The following GTF3C3 variants were observed in gnomAD, a reference collection of about 807,000 sequenced individuals.
GTF3C3 encodes the protein general transcription factor IIIC subunit 3.
A neutral mutation model predicts 105.2 loss-of-function variants in GTF3C3; 75 were observed. The ratio of observed to expected loss-of-function variants is 0.71; its 90% CI spans 0.59 to 0.86. The LOEUF (loss-of-function observed/expected upper bound fraction) is 0.86. GTF3C3 is among the 40% of genes least tolerant of loss of function. GTF3C3 has a pLI of 0.00. For missense variants in GTF3C3, 856 were observed against 1,076.5 expected, an observed-to-expected ratio of 0.80 and a Z score of 2.87; for synonymous variants, 335 against 370.4, an observed-to-expected ratio of 0.90 and a Z score of 1.10.
intron 16 of GTF3C3, among the ~76,000 whole-genome samples, chr2:196,768,513 T>TA (rs922635878): frequency 1.3e-5 from 2 of 151,878 alleles, no homozygotes; most frequent in African/African-American, 4.8e-5. Flanking sequence ...TAATAAACCA[T>TA]AAAAAAAATT....
chr2:196,797,187 T>C (rs1699661475), intron 2 of GTF3C3, among the ~76,000 whole-genome samples: 1 of 152,230 alleles, frequency 6.6e-6, no homozygotes, highest in Non-Finnish European at 1.5e-5. Context: ...AGCATTCTGA[T>C]CCCTGGAAAA....
chr2:196,785,598 A>G lies in GTF3C3; in HGVS notation c.894-10T>C. The G allele has an allele frequency of 6.3e-7, 1 of 1,577,622 alleles. No homozygotes were observed. The highest frequency in any genetic ancestry group is 1.1e-5 in the South Asian group (1 of 88,216). On this transcript the variant is annotated splice_polypyrimidine_tract_variant and intron_variant, in intron 6 of 17. Transcript: ENST00000263956. ...GGCTTCATAGTAACTCCTAAAAAAA[A>G]GTGGCAAAATGGATGAATATTTACT...
At chr2:196,781,342 G>GAAAAAAAAAAAAA (rs769914255) in intron 8 of GTF3C3, among the ~76,000 whole-genome samples, 2 of 31,456 alleles carry the variant, frequency 6.4e-5, no homozygotes, top group African/African-American at 1.2e-4. Flanking sequence ...ATGTTAAGGG[G>GAAAAAAAAAAAAA]AAAAAAAAAA....
chr2:196,791,539 A>G, intron 3 of GTF3C3, 79 bp from the exon 4 acceptor site: 2 of 1,271,824 alleles, frequency 1.6e-6, no homozygotes, highest in Non-Finnish European at 2.2e-6. Flanking sequence ...TAATAAATAT[A>G]GCATATAATG....
Position 196,797,815 on chromosome 2 carries a change from C to A in GTF3C3, c.196G>T (p.Asp66Tyr). 1 of 1,591,268 alleles carries A rather than the reference C, an allele frequency of 6.3e-7. No homozygotes were observed. The highest frequency in any genetic ancestry group is 8.6e-7 in the Non-Finnish European group (1 of 1,159,252). Residue 66 changes from aspartate (D) to tyrosine (Y), a missense_variant, in exon 2 of 18, where the codon GAC becomes TAC. Physicochemically the swap from Asp to Tyr is radical, Grantham distance 160. Coordinates refer to ENST00000263956, the MANE Select transcript of GTF3C3 (RefSeq NM_012086.5). Reference protein sequence around the residue: ...SSGINSTKSQDKDVNEGETSD... With the variant: ...SSGINSTKSQYKDVNEGETSD... The stretch of plus-strand genomic sequence containing the variant: ...AACATACCTTCATTGACATCTTTGT[C>A]TTGGGATTTGGTAGAGTTAATTCCT...
At position 196,781,357 on chromosome 2, in the gene GTF3C3, A is replaced by AATAT. The variant is rs1553578901; in HGVS notation, c.1115-699_1115-696dup. Reference sequence around the variant, plus strand: ...ATGTTAAGGGGAAAAAAAAAAAAAAAATATATATATATATATATATATATA... The same window carrying AATAT: ...ATGTTAAGGGGAAAAAAAAAAAAAAAATATATATATATATATATATATATATATA... On this transcript the variant is annotated intron_variant, in intron 8 of 17. Transcript: ENST00000263956. Among the ~76,000 whole-genome samples, 71 of 18,776 alleles carry AATAT rather than the reference A, an allele frequency of 3.8e-3. 2 individuals carry two copies. The highest frequency in any genetic ancestry group is 4.8e-3 in the African/African-American group (46 of 9,644). 12.3% of individuals were successfully genotyped at this position (18,776 alleles called of 152,430 possible). A position where few individuals can be genotyped will look rare whatever the true frequency, so the allele number is the denominator to read the frequency against.
intron 16 of GTF3C3, among the ~76,000 whole-genome samples, chr2:196,768,163 A>ATG (rs1699105496): frequency 6.6e-6 from 1 of 152,074 alleles, no homozygotes; most frequent in Non-Finnish European, 1.5e-5. Context: ...GATTACAGGC[A>ATG]CACGCCACCA....
At position 196,763,247 on chromosome 2, in the gene GTF3C3, T is replaced by TC. The variant is rs986062445; in HGVS notation, c.*1315dup. The TC allele has an allele frequency of 1.3e-5, 2 of 152,162 alleles. No individual in the cohort carries two copies. Among genetic ancestry groups the TC allele is most frequent in the Non-Finnish European group, 2.9e-5 (2 of 68,032 alleles). 9.4% of individuals were successfully genotyped at this position (152,162 alleles called of 1,614,324 possible). On this transcript the variant is annotated 3_prime_UTR_variant, in exon 18 of 18. Transcript: ENST00000263956. The stretch of plus-strand genomic sequence containing the variant: ...TATACAATATCAGCTGGTTTTTTTT[T>TC]CCCTTAGGGAGACTTATTTCCTCCA...
intron 2 of GTF3C3, among the ~76,000 whole-genome samples, chr2:196,793,663 C>G (rs1699591606): frequency 1.3e-5 from 2 of 152,088 alleles, no homozygotes; most frequent in South Asian, 4.1e-4. Context: ...TAGGGCTACT[C>G]TGAGGACAAA....
intron 10 of GTF3C3, among the ~76,000 whole-genome samples, chr2:196,777,022 C>T (rs1286996286): frequency 1.3e-5 from 2 of 152,294 alleles, no homozygotes; most frequent in African/African-American, 4.8e-5. Flanking sequence ...TAAACCAGAG[C>T]ACACAATCGG....
intron 4 of GTF3C3, 116 bp downstream of exon 4, chr2:196,791,221 C>T (rs1699542804): frequency 1.1e-6 from 1 of 894,114 alleles, no homozygotes; most frequent in Admixed American, 2.4e-5. Flanking sequence ...ACCATTACCA[C>T]AATCACCCTT....
chr2:196,775,015 T>C, intron 13 of GTF3C3, 101 bp downstream of exon 13: 1 of 777,034 alleles, frequency 1.3e-6, no homozygotes, highest in Non-Finnish European at 2.0e-6. Flanking sequence ...TCATTTTATT[T>C]GAAAAGTATA....
intron 3 of GTF3C3, 146 bp from the exon 4 acceptor site, chr2:196,791,606 G>T: frequency 1.6e-6 from 1 of 619,364 alleles, no homozygotes; most frequent in Non-Finnish European, 2.7e-6. Context: ...CTAAATAGTT[G>T]CAATTCTAAT....
At position 196,767,187 on chromosome 2, in the gene GTF3C3, C is replaced by T. The variant is rs529885958; in HGVS notation, c.2386-470G>A. Among the ~76,000 whole-genome samples the T allele has an allele frequency of 2.6e-5, 4 of 152,318 alleles. No individual in the cohort carries two copies. The South Asian group carries it at 8.3e-4, about 32-fold the overall frequency. On this transcript the variant is annotated intron_variant, in intron 16 of 17. Coordinates refer to ENST00000263956, the MANE Select transcript of GTF3C3 (RefSeq NM_012086.5). ...ATTTTACCTTTTATAAGTTACTTCT[C>T]AGGACCTTGATAACCTCTTAACCCA... is the stretch of plus-strand genomic sequence containing the variant.
At chr2:196,785,341 T>A (rs1353098965) in intron 7 of GTF3C3, 100 bp downstream of exon 7, 4 of 793,760 alleles carry the variant, frequency 5.0e-6, no homozygotes, top group African/African-American at 3.5e-5. Flanking sequence ...TTTAAATATA[T>A]ACATAATTTA....
At position 196,763,599 on chromosome 2, in the gene GTF3C3, AT is replaced by A. The variant is rs1201597873; in HGVS notation, c.*963del. On this transcript the variant is annotated 3_prime_UTR_variant, in exon 18 of 18. Transcript: ENST00000263956. ...AGAATTTCTAATAAGTCCCAATTTTATTTCTTTGATCCTAAGCCTCTACTTG... is the reference window on the plus strand; with the variant it reads ...AGAATTTCTAATAAGTCCCAATTTTATTCTTTGATCCTAAGCCTCTACTTG... 6.6e-6 allele frequency: 1 copy of A among 152,130 alleles called. No individual in the cohort carries two copies. Among genetic ancestry groups the A allele is most frequent in the Non-Finnish European group, 1.5e-5 (1 of 68,002 alleles). The allele number at this position is 152,130 out of a possible 1,614,324, so 9.4% of individuals were successfully genotyped here.
Position 196,789,068 on chromosome 2 carries a change from TA to T in GTF3C3, c.893+135del, listed in dbSNP as rs534435842. On this transcript the variant is annotated intron_variant, in intron 6 of 17. Coordinates refer to ENST00000263956, the MANE Select transcript of GTF3C3 (RefSeq NM_012086.5). ...GTGACAGAGCAAGACCCTGTCTCAA[TA>T]AACAAAACAATAAAACACATAAGGC... is the stretch of plus-strand genomic sequence containing the variant. The T allele has an allele frequency of 6.4e-5, 45 of 706,358 alleles. No homozygotes were observed. In the East Asian group the frequency reaches 1.2e-3, roughly 19 times the overall value. 43.8% of individuals were successfully genotyped at this position (706,358 alleles called of 1,614,324 possible).
intron 8 of GTF3C3, 115 bp from the exon 9 acceptor site, chr2:196,780,777 T>C: frequency 7.8e-7 from 1 of 1,277,908 alleles, no homozygotes; most frequent in South Asian, 1.6e-5. Flanking sequence ...CAATTCTTAG[T>C]GTGGCCAACT....
chr2:196,780,751 C>G lies in GTF3C3; in HGVS notation c.1115-89G>C. 3 of 1,455,752 alleles carry G rather than the reference C, an allele frequency of 2.1e-6. No individual in the cohort carries two copies. In the South Asian group the frequency reaches 4.4e-5, roughly 21 times the overall value. 90.2% of individuals were successfully genotyped at this position (1,455,752 alleles called of 1,614,324 possible). On this transcript the variant is annotated intron_variant, in intron 8 of 17. Transcript: ENST00000263956. Reference sequence around the variant, plus strand: ...AAGATCTCATTTATTTCATTCAAAGCAAATGATTCCACAGTCAATTCTTAG... The same window carrying G: ...AAGATCTCATTTATTTCATTCAAAGGAAATGATTCCACAGTCAATTCTTAG...
Sources: allele counts gnomAD v4.1 joint callset (sites outside exome capture counted in the v4.1 genomes callset), GRCh38; gene constraint gnomAD v4.1.1; transcripts MANE v1.5; gene names NCBI Gene and HGNC (gene_info 2026-07-23, HGNC 2026-07-21).